The following GPC5 variants were observed in gnomAD, a reference collection of about 807,000 sequenced individuals.
GPC5 encodes the protein glypican 5.
In GPC5, 47 loss-of-function variants were observed where a neutral mutation model predicts 53.9. That is an observed-to-expected ratio of 0.87 (90% CI 0.69 to 1.11). The LOEUF (loss-of-function observed/expected upper bound fraction) is 1.11, where lower values mean the gene tolerates loss of function less well. Among genes scored for constraint, GPC5 ranks in the 50% most tolerant of loss-of-function variants. GPC5 has a pLI of 0.00. For missense variants in GPC5, 748 were observed against 713.1 expected, an observed-to-expected ratio of 1.05 and a Z score of -0.56; for synonymous variants, 286 against 263.3, an observed-to-expected ratio of 1.09 and a Z score of -0.84.
intron 7 of GPC5, among the ~76,000 whole-genome samples, chr13:92,247,824 G>A (rs1247343755): frequency 6.6e-6 from 1 of 151,968 alleles, no homozygotes; most frequent in African/African-American, 2.4e-5. Context: ...AAACAGCCTG[G>A]TTTCTCACCA....
At chr13:92,521,403 A>G (rs1184915931) in intron 7 of GPC5, among the ~76,000 whole-genome samples, 1 of 152,214 alleles carries the variant, frequency 6.6e-6, no homozygotes, top group Non-Finnish European at 1.5e-5. Context: ...TAACCGAAAC[A>G]GCATGGTACT....
rs900070041 is a variant in GPC5, at chr13:92,298,159, C to A, written c.1561+153170C>A. Among the ~76,000 whole-genome samples the A allele has an allele frequency of 6.6e-5, 10 of 152,160 alleles. 1 individual carries two copies. The highest frequency in any genetic ancestry group is 1.3e-4 in the Non-Finnish European group (9 of 68,022). ...CCCACACAATCCGAAGGGCCAGTCT[C>A]ACTCCTGCCGTGCCCCCTCGCCCAC... On this transcript the variant is annotated intron_variant, in intron 7 of 7. Transcript: ENST00000377067.
chr13:92,747,347 A>G (rs994825046), intron 7 of GPC5, among the ~76,000 whole-genome samples: 11 of 152,196 alleles, frequency 7.2e-5, no homozygotes, highest in African/African-American at 2.7e-4. Flanking sequence ...TTTAAGCCAG[A>G]GATAAAAGAA....
chr13:92,616,802 C>CT (rs1884707116), intron 7 of GPC5, among the ~76,000 whole-genome samples: 1 of 151,970 alleles, frequency 6.6e-6, no homozygotes, highest in African/African-American at 2.4e-5. Context: ...CTTCAAAATG[C>CT]GTAAAGCAAG....
At chr13:91,457,547 T>C (rs537105042) in intron 2 of GPC5, among the ~76,000 whole-genome samples, 6 of 152,212 alleles carry the variant, frequency 3.9e-5, no homozygotes, top group Admixed American at 2.6e-4. Context: ...GTGACCACAC[T>C]CAATAGCCAT....
chr13:91,424,026 T>A (rs2138995404), intron 1 of GPC5, among the ~76,000 whole-genome samples: 1 of 152,290 alleles, frequency 6.6e-6, no homozygotes, highest in African/African-American at 2.4e-5. Context: ...AACAGGTCAT[T>A]TTAGTTATTT....
chr13:91,852,205 A>T (rs1328624724), intron 5 of GPC5, among the ~76,000 whole-genome samples: 1 of 151,918 alleles, frequency 6.6e-6, no homozygotes, highest in Non-Finnish European at 1.5e-5. Flanking sequence ...TTCTTACTTT[A>T]AAAGCTTTTT....
chr13:92,025,118 CT>C (rs941509403), intron 6 of GPC5, among the ~76,000 whole-genome samples: 10 of 151,996 alleles, frequency 6.6e-5, no homozygotes, highest in African/African-American at 2.2e-4. Context: ...CTTTTTGTTT[CT>C]TTTTTTCTTT....
At chr13:91,838,682 C>G (rs1018684696) in intron 5 of GPC5, among the ~76,000 whole-genome samples, 1 of 151,944 alleles carries the variant, frequency 6.6e-6, no homozygotes, top group Non-Finnish European at 1.5e-5. Context: ...GTGACAAATT[C>G]CCTACGCTGG....
chr13:91,552,910 T>G (rs2030730912), intron 2 of GPC5, among the ~76,000 whole-genome samples: 1 of 152,116 alleles, frequency 6.6e-6, no homozygotes, highest in Non-Finnish European at 1.5e-5. Flanking sequence ...TACACACATT[T>G]TCTGGAAAAT....
At chr13:92,104,439 G>A (rs2041491709) in intron 6 of GPC5, among the ~76,000 whole-genome samples, 1 of 152,094 alleles carries the variant, frequency 6.6e-6, no homozygotes, top group African/African-American at 2.4e-5. Context: ...GATTTTGAGA[G>A]GTCTTTTATC....
intron 7 of GPC5, among the ~76,000 whole-genome samples, chr13:92,753,216 C>G (rs931680618): frequency 6.6e-6 from 1 of 152,182 alleles, no homozygotes; most frequent in South Asian, 2.1e-4. Context: ...AGGCACCCCC[C>G]AGCAGGGGCA....
chr13:91,920,014 C>T (rs1215943544), intron 6 of GPC5, among the ~76,000 whole-genome samples: 1 of 152,068 alleles, frequency 6.6e-6, no homozygotes, highest in East Asian at 1.9e-4. Context: ...TTTACTATAC[C>T]CTATCTACAT....
intron 7 of GPC5, among the ~76,000 whole-genome samples, chr13:92,626,961 T>C (rs894523524): frequency 6.6e-6 from 1 of 152,210 alleles, no homozygotes; most frequent in African/African-American, 2.4e-5. Context: ...ATATTATGTT[T>C]TCCTCTTACA....
At position 91,673,334 on chromosome 13, in the gene GPC5, A is replaced by G. The variant is rs2035295426; in HGVS notation, c.326-19853A>G. Among the ~76,000 whole-genome samples, 3 of 152,310 alleles carry G rather than the reference A, an allele frequency of 2.0e-5. No homozygotes were observed. The South Asian group carries it at 6.2e-4, about 32-fold the overall frequency. ...TCCCCTCCCTGCCTAAAGGAATTAT[A>G]TATAACATTTAAAAAATTTAGTTAT... On this transcript the variant is annotated intron_variant, in intron 2 of 7. Transcript: ENST00000377067.
intron 6 of GPC5, among the ~76,000 whole-genome samples, chr13:91,976,363 T>A (rs1010909417): frequency 1.3e-5 from 2 of 152,152 alleles, no homozygotes; most frequent in East Asian, 3.9e-4. Context: ...TTGGTTTAGG[T>A]CCTGCTGCTC....
At chr13:92,541,494 A>G (rs1287914143) in intron 7 of GPC5, among the ~76,000 whole-genome samples, 2 of 151,802 alleles carry the variant, frequency 1.3e-5, no homozygotes, top group Non-Finnish European at 2.9e-5. Context: ...AATTCTTTTT[A>G]CTCAACTTCA....
At chr13:91,530,442 A>G (rs1410543919) in intron 2 of GPC5, among the ~76,000 whole-genome samples, 1 of 152,160 alleles carries the variant, frequency 6.6e-6, no homozygotes, top group Non-Finnish European at 1.5e-5. Flanking sequence ...CTAGTATAAG[A>G]CCTCTGACAC....
intron 2 of GPC5, among the ~76,000 whole-genome samples, chr13:91,492,341 C>T (rs923122277): frequency 6.6e-6 from 1 of 151,994 alleles, no homozygotes; most frequent in Non-Finnish European, 1.5e-5. Context: ...TTATGGAGAC[C>T]GAGAAGTTCC....
Sources: gnomAD v4.1 joint callset for allele counts (sites outside exome capture counted in the v4.1 genomes callset) on GRCh38, gnomAD v4.1.1 for gene constraint, MANE v1.5 for transcripts, NCBI Gene and HGNC (gene_info 2026-07-23, HGNC 2026-07-21) for gene names.